The following PILRA variants were observed in gnomAD, a reference collection of about 807,000 sequenced individuals.
PILRA encodes paired immunoglobulin-like type 2 receptor alpha.
A neutral mutation model predicts 33.1 loss-of-function variants in PILRA; 37 were observed. The ratio of observed to expected loss-of-function variants is 1.12; its 90% CI spans 0.86 to 1.47. PILRA has a LOEUF of 1.47. PILRA is among the 40% of genes most tolerant of loss of function. PILRA has a pLI of 0.00. For missense variants in PILRA, 312 were observed against 376.2 expected (o/e 0.83, Z 1.41); for synonymous variants, 146 against 149.9 (o/e 0.97, Z 0.19).
At chr7:100,381,979 A>C (rs1791110175) in intron 2 of PILRA, among the ~76,000 whole-genome samples, 1 of 151,556 alleles carries the variant, frequency 6.6e-6, no homozygotes, top group South Asian at 2.1e-4. Flanking sequence ...CGGGACCTGC[A>C]GCCCGCCATG....
intron 2 of PILRA, 69 bp downstream of exon 2, chr7:100,374,502 G>C: frequency 6.3e-7 from 1 of 1,583,596 alleles, no homozygotes; most frequent in Non-Finnish European, 8.6e-7. Flanking sequence ...TGGTGACATC[G>C]TCCCCAGCAC....
chr7:100,387,901 G>C (rs1482482787), intron 2 of PILRA, among the ~76,000 whole-genome samples: 1 of 151,922 alleles, frequency 6.6e-6, no homozygotes, highest in Non-Finnish European at 1.5e-5. Flanking sequence ...TTATTCCTAC[G>C]TAACTTTTCA....
At chr7:100,379,375 T>C (rs541213250) in intron 2 of PILRA, among the ~76,000 whole-genome samples, 38 of 151,056 alleles carry the variant, frequency 2.5e-4, no homozygotes, top group African/African-American at 9.2e-4. Context: ...CAAGACTCTG[T>C]CTCAAAAAAA....
intron 2 of PILRA, among the ~76,000 whole-genome samples, chr7:100,375,844 C>T (rs2130160799): frequency 1.3e-5 from 2 of 152,346 alleles, no homozygotes; most frequent in South Asian, 2.1e-4. Flanking sequence ...CCATAGTGTT[C>T]GCCTTGACCT....
At position 100,389,892 on chromosome 7, in the gene PILRA, C is replaced by CA; in HGVS notation, c.460dup (p.Thr154AsnfsTer18). 1 of 1,613,776 alleles carries CA rather than the reference C, an allele frequency of 6.2e-7. No homozygotes were observed. The highest frequency in any genetic ancestry group is 8.5e-7 in the Non-Finnish European group (1 of 1,179,870). On this transcript the variant is annotated frameshift_variant, in exon 3 of 7. Transcript: ENST00000198536. LOFTEE classifies it high-confidence loss of function. ...TCATTCCTCATCTCTCCCCAGCTGT[C>CA]ACGACCACCACCCAGAGGCCCAGCA...
At chr7:100,396,574 C>G (rs1381028745) in intron 3 of PILRA, among the ~76,000 whole-genome samples, 1 of 152,074 alleles carries the variant, frequency 6.6e-6, no homozygotes, top group Non-Finnish European at 1.5e-5. Flanking sequence ...ATCGCTTGAA[C>G]CAGAGAGGCA....
At position 100,374,061 on chromosome 7, in the gene PILRA, G is replaced by T; in HGVS notation, c.82G>T (p.Gly28Cys). The T allele has an allele frequency of 3.1e-6, 5 of 1,613,948 alleles. No individual in the cohort carries two copies. The highest frequency in any genetic ancestry group is 4.2e-6 in the Non-Finnish European group (5 of 1,179,906). ...FLQPSGSTGS[G>C]PSYLYGVTQP... ...TCCTCTAGGTGGCTCCACAGGATCTGGTCCAAGCTACCTTTATGGGGTCAC... is the reference window on the plus strand; with the variant it reads ...TCCTCTAGGTGGCTCCACAGGATCTTGTCCAAGCTACCTTTATGGGGTCAC... The change falls in exon 2 of 7, where the codon GGT becomes TGT. Residue 28 changes from glycine to cysteine, a missense_variant. Physicochemically the swap from Gly to Cys is radical, Grantham distance 159. Transcript: ENST00000198536.
At chr7:100,386,025 G>A (rs887596094) in intron 2 of PILRA, among the ~76,000 whole-genome samples, 32 of 151,870 alleles carry the variant, frequency 2.1e-4, no homozygotes, top group African/African-American at 7.0e-4. Flanking sequence ...TGCCTCCTGG[G>A]TTCAAGTGAT....
intron 2 of PILRA, among the ~76,000 whole-genome samples, chr7:100,379,616 C>T (rs1027970918): frequency 7.6e-5 from 11 of 145,664 alleles, no homozygotes; most frequent in Non-Finnish European, 1.6e-4. Context: ...TGCAGTGAAC[C>T]GAGATTGCAC....
intron 2 of PILRA, among the ~76,000 whole-genome samples, chr7:100,385,770 T>A (rs1316764080): frequency 6.7e-6 from 1 of 149,848 alleles, no homozygotes; most frequent in African/African-American, 2.5e-5. Context: ...GCTGGGATTA[T>A]AGCCATGTGC....
At chr7:100,382,713 T>TTTTTGC (rs570136943) in intron 2 of PILRA, among the ~76,000 whole-genome samples, 71 of 152,314 alleles carry the variant, frequency 4.7e-4, no homozygotes, top group Non-Finnish European at 7.8e-4. Flanking sequence ...AAGTTTCTTT[T>TTTTTGC]TTTTGCTTTT....
chr7:100,389,009 CTCTT>C (rs1239737069), intron 2 of PILRA, among the ~76,000 whole-genome samples: 2 of 152,066 alleles, frequency 1.3e-5, no homozygotes, highest in South Asian at 2.1e-4. Flanking sequence ...TTTTATGTCT[CTCTT>C]TATGTTTTTT....
chr7:100,392,263 A>G (rs1158177253), intron 3 of PILRA, among the ~76,000 whole-genome samples: 1 of 152,114 alleles, frequency 6.6e-6, no homozygotes. Context: ...GAACTGAGAG[A>G]GTACCACTGC....
intron 2 of PILRA, among the ~76,000 whole-genome samples, chr7:100,386,820 T>G (rs970966432): frequency 5.3e-5 from 8 of 151,038 alleles, no homozygotes; most frequent in African/African-American, 1.9e-4. Context: ...TGAGCCACAG[T>G]GCCCAGCTTT....
Position 100,398,701 on chromosome 7 carries a change from G to T in PILRA, c.708-590G>T, listed in dbSNP as rs188518879. ...CGCCAGCAGAGAGAAAGCAAGGATT[G>T]ACCTTTTTCCTATTTTTATTCTCCG... On this transcript the variant is annotated intron_variant, in intron 4 of 6. Transcript: ENST00000198536. Among the ~76,000 whole-genome samples the T allele has an allele frequency of 4.3e-3, 656 of 152,272 alleles. 1 individual carries two copies. The highest frequency in any genetic ancestry group is 0.015 in the African/African-American group (639 of 41,552).
intron 6 of PILRA, 54 bp from the exon 7 acceptor site, chr7:100,399,731 T>A: frequency 6.2e-7 from 1 of 1,612,040 alleles, no homozygotes; most frequent in Non-Finnish European, 8.5e-7. Flanking sequence ...GCCGCTAAGA[T>A]GGGAACAGCT....
chr7:100,371,731 T>C (rs1790818808), upstream of PILRA, among the ~76,000 whole-genome samples: 1 of 152,156 alleles, frequency 6.6e-6, no homozygotes, highest in Non-Finnish European at 1.5e-5. Context: ...AGAAGCCCTG[T>C]CTGTGAGAGA....
rs57662248 is a variant in PILRA at position 100,375,717 on chromosome 7, G to A, written c.454+1284G>A. Among the ~76,000 whole-genome samples the A allele has an allele frequency of 3.1e-3, 462 of 150,448 alleles. 5 individuals are homozygous for A. The highest frequency in any genetic ancestry group is 0.011 in the African/African-American group (426 of 40,300). ...ACTGCACTCCAGCCTGGGTGACAAA[G>A]TGAGACTCCGCCTCAAACAAACAAA... On this transcript the variant is annotated intron_variant, in intron 2 of 6. Transcript: ENST00000198536.
chr7:100,381,831 C>G (rs1307025921), intron 2 of PILRA, among the ~76,000 whole-genome samples: 2 of 152,216 alleles, frequency 1.3e-5, no homozygotes, highest in African/African-American at 4.8e-5. Flanking sequence ...GAGTGGCCGG[C>G]CGGCCCCGGG....
Sources: allele counts gnomAD v4.1 joint callset (sites outside exome capture counted in the v4.1 genomes callset), GRCh38; gene constraint gnomAD v4.1.1; transcripts MANE v1.5; gene names NCBI Gene and HGNC (gene_info 2026-07-23, HGNC 2026-07-21).